PTPRG: variants seen among roughly 807,000 people sequenced by gnomAD.
PTPRG encodes protein tyrosine phosphatase receptor type G.
In PTPRG, 102 loss-of-function variants were observed where a neutral mutation model predicts 165.3. The observed-to-expected ratio is 0.62, with a 90% CI of 0.53 to 0.73. The LOEUF is 0.73. Ranked by LOEUF, PTPRG falls within the 30% of genes least tolerant of loss-of-function variation. The pLI is 0.00. For synonymous variants in PTPRG, 675 were observed against 669.5 expected (o/e 1.01, Z -0.13); for missense variants, 1,866 against 1,861.4 (o/e 1.00, Z -0.05).
chr3:62,149,675 G>C (rs1704255419), intron 6 of PTPRG, among the ~76,000 whole-genome samples: 1 of 152,132 alleles, frequency 6.6e-6, no homozygotes, highest in Non-Finnish European at 1.5e-5. Context: ...CCCTGTGTTT[G>C]GCAGGCCCTC....
intron 1 of PTPRG, among the ~76,000 whole-genome samples, chr3:61,672,705 C>A (rs1470119167): frequency 1.6e-5 from 2 of 123,200 alleles, no homozygotes; most frequent in Admixed American, 1.7e-4. Flanking sequence ...AGAGGGAGAC[C>A]GTGGAAAGAG....
At chr3:61,816,049 A>C (rs561212023) in intron 2 of PTPRG, among the ~76,000 whole-genome samples, 4 of 152,210 alleles carry the variant, frequency 2.6e-5, no homozygotes, top group South Asian at 2.1e-4. Context: ...GCTGTTGAAT[A>C]ACTCTTTTAA....
At chr3:61,583,268 C>T (rs1234477935) in intron 1 of PTPRG, among the ~76,000 whole-genome samples, 3 of 152,116 alleles carry the variant, frequency 2.0e-5, no homozygotes, top group South Asian at 2.1e-4. Flanking sequence ...GGCCCCTGAA[C>T]GCAAGGCTGA....
intron 2 of PTPRG, among the ~76,000 whole-genome samples, chr3:61,774,683 A>T (rs544561493): frequency 6.6e-6 from 1 of 152,294 alleles, no homozygotes; most frequent in East Asian, 1.9e-4. Flanking sequence ...AATATAATCG[A>T]CTTGAGAGGA....
chr3:61,971,456 A>C (rs771995816), intron 2 of PTPRG, among the ~76,000 whole-genome samples: 7 of 152,202 alleles, frequency 4.6e-5, no homozygotes, highest in Non-Finnish European at 1.0e-4. Flanking sequence ...TGGATATTCC[A>C]TATTTTTGAT....
intron 2 of PTPRG, among the ~76,000 whole-genome samples, chr3:61,898,020 T>G (rs187995823): frequency 6.6e-6 from 1 of 152,330 alleles, no homozygotes; most frequent in East Asian, 1.9e-4. Flanking sequence ...TTCTTCTTTT[T>G]TTCTTTCTGT....
intron 2 of PTPRG, among the ~76,000 whole-genome samples, chr3:61,950,112 A>G (rs1425549519): frequency 6.6e-6 from 1 of 152,188 alleles, no homozygotes; most frequent in Non-Finnish European, 1.5e-5. Flanking sequence ...ATGGCCTTGC[A>G]TTACTAGTAA....
At position 62,168,030 on chromosome 3, in the gene PTPRG, G is replaced by A. The variant is rs759343615; in HGVS notation, c.900G>A (p.Glu300=). The part of the protein sequence containing the change: ...TEQQDHVKSV[E]YLRNNFRPQQ... Reference sequence around the variant, plus strand: ...AGCAAGACCATGTCAAGTCGGTGGAGTATCTGAGAAATAACTTTCGACCAC... The same window carrying A: ...AGCAAGACCATGTCAAGTCGGTGGAATATCTGAGAAATAACTTTCGACCAC... Residue 300 remains glutamate, a synonymous_variant, in exon 8 of 30, where the codon GAG becomes GAA. Coordinates refer to ENST00000474889, the MANE Select transcript of PTPRG (RefSeq NM_002841.4). 8.1e-6 allele frequency: 13 copies of A among 1,613,730 alleles called. No homozygotes were observed. The highest frequency in any genetic ancestry group is 1.1e-5 in the Non-Finnish European group (13 of 1,179,930).
chr3:61,978,260 T>G (rs910897780), intron 2 of PTPRG, among the ~76,000 whole-genome samples: 3 of 152,244 alleles, frequency 2.0e-5, no homozygotes, highest in African/African-American at 7.2e-5. Flanking sequence ...TTTTGATGTT[T>G]TTTACCGTAG....
chr3:62,125,603 A>G (rs918443694), intron 5 of PTPRG, among the ~76,000 whole-genome samples: 2 of 152,142 alleles, frequency 1.3e-5, no homozygotes, highest in African/African-American at 2.4e-5. Flanking sequence ...TGCCACACAG[A>G]ATCAGGAGAA....
At chr3:61,568,368 A>G (rs1365518505) in intron 1 of PTPRG, among the ~76,000 whole-genome samples, 2 of 152,230 alleles carry the variant, frequency 1.3e-5, no homozygotes, top group Admixed American at 6.5e-5. Context: ...TGGTTAACTC[A>G]GTATGAAAAG....
chr3:62,248,857 C>T (rs1005018537), intron 15 of PTPRG, among the ~76,000 whole-genome samples: 24 of 152,182 alleles, frequency 1.6e-4, no homozygotes, highest in African/African-American at 5.8e-4. Context: ...TGATTCATGC[C>T]TTTCCAGCAG....
At chr3:61,917,116 C>A (rs556489974) in intron 2 of PTPRG, among the ~76,000 whole-genome samples, 6 of 152,222 alleles carry the variant, frequency 3.9e-5, no homozygotes, top group Non-Finnish European at 1.5e-5. Flanking sequence ...GCCGCCAATG[C>A]TTTTTGCGTC....
intron 1 of PTPRG, among the ~76,000 whole-genome samples, chr3:61,674,709 A>G (rs1703163566): frequency 6.6e-6 from 1 of 152,082 alleles, no homozygotes; most frequent in Non-Finnish European, 1.5e-5. Flanking sequence ...TGTAACTTTA[A>G]CATCACCTCA....
In PTPRG at chr3:61,664,014, C is replaced by T. The variant is rs1702740543; in HGVS notation, c.86-84864C>T. Among the ~76,000 whole-genome samples, 11 of 152,278 alleles carry T rather than the reference C, an allele frequency of 7.2e-5. No individual in the cohort carries two copies. The South Asian group carries it at 2.1e-3, about 29-fold the overall frequency. On this transcript the variant is annotated intron_variant, in intron 1 of 29. Transcript: ENST00000474889. ...TTACACAGTAGGCAGGCATGTATTTCTCAGAATCCTCAGAATCCATTCTTG... is the reference window on the plus strand; with the variant it reads ...TTACACAGTAGGCAGGCATGTATTTTTCAGAATCCTCAGAATCCATTCTTG...
chr3:62,068,778 A>C (rs1701105130), intron 4 of PTPRG, among the ~76,000 whole-genome samples: 1 of 152,118 alleles, frequency 6.6e-6, no homozygotes, highest in African/African-American at 2.4e-5. Flanking sequence ...TCATAGCCCT[A>C]GTGTGCACCT....
chr3:61,655,960 C>A (rs1381299277), intron 1 of PTPRG, among the ~76,000 whole-genome samples: 2 of 152,046 alleles, frequency 1.3e-5, no homozygotes, highest in African/African-American at 4.8e-5. Flanking sequence ...TACCTGTAAT[C>A]CTAGCCCTTT....
At chr3:62,198,375 AAC>A (rs1200432270) in intron 10 of PTPRG, among the ~76,000 whole-genome samples, 2 of 152,204 alleles carry the variant, frequency 1.3e-5, no homozygotes, top group Admixed American at 1.3e-4. Context: ...CCCAATCACT[AAC>A]ACACAGCAAT....
chr3:62,017,143 G>GT (rs1308575015), intron 4 of PTPRG, among the ~76,000 whole-genome samples: 15 of 152,154 alleles, frequency 9.9e-5, no homozygotes, highest in Non-Finnish European at 4.4e-5. Flanking sequence ...CCATAACAGC[G>GT]TAAGCAGTGT....
Sources: gnomAD v4.1 joint callset for allele counts (sites outside exome capture counted in the v4.1 genomes callset) on GRCh38, gnomAD v4.1.1 for gene constraint, MANE v1.5 for transcripts, NCBI Gene and HGNC (gene_info 2026-07-23, HGNC 2026-07-21) for gene names.